Variants in DLC1 observed in about 807,000 individuals in gnomAD.
DLC1 encodes rho GTPase-activating protein 7.
In DLC1, 54 loss-of-function variants were observed where a neutral mutation model predicts 140.3. The ratio of observed to expected loss-of-function variants is 0.38; its 90% confidence interval spans 0.31 to 0.48. DLC1 has a LOEUF of 0.48. Ranked by LOEUF, DLC1 falls within the 20% of genes least tolerant of loss-of-function variation. The pLI is 0.96. For missense variants in DLC1, 2,536 were observed against 1,907.0 expected, an observed-to-expected ratio of 1.33 and a Z score of -6.14; for synonymous variants, 986 against 728.1, an observed-to-expected ratio of 1.35 and a Z score of -5.70.
At chr8:13,524,465 C>G (rs542152077) in intron 1 of DLC1, among the ~76,000 whole-genome samples, 4 of 151,972 alleles carry the variant, frequency 2.6e-5, no homozygotes, top group African/African-American at 9.7e-5. Context: ...TGTTGCTTTT[C>G]GCTATGTATT....
chr8:13,159,582 A>C (rs562161075), intron 5 of DLC1, among the ~76,000 whole-genome samples: 32 of 152,176 alleles, frequency 2.1e-4, no homozygotes, highest in Non-Finnish European at 4.3e-4. Flanking sequence ...CCTCAATTAT[A>C]AACCCAGACT....
At chr8:13,382,702 C>G (rs908540814) in intron 4 of DLC1, among the ~76,000 whole-genome samples, 2 of 152,100 alleles carry the variant, frequency 1.3e-5, no homozygotes, top group East Asian at 3.9e-4. Context: ...AATATGGTCT[C>G]AAAATAAAAT....
At chr8:13,546,944 T>G (rs1451388158) in intron 1 of DLC1, among the ~76,000 whole-genome samples, 1 of 152,158 alleles carries the variant, frequency 6.6e-6, no homozygotes, top group Non-Finnish European at 1.5e-5. Context: ...AAGTTCTTTC[T>G]TCTTGAATTA....
intron 5 of DLC1, among the ~76,000 whole-genome samples, chr8:13,278,970 C>T (rs560958989): frequency 1.3e-5 from 2 of 152,290 alleles, no homozygotes; most frequent in Non-Finnish European, 1.5e-5. Flanking sequence ...AGGATTCATA[C>T]TCGGAGCCGT....
intron 5 of DLC1, among the ~76,000 whole-genome samples, chr8:13,295,010 GA>G: frequency 6.6e-6 from 1 of 152,254 alleles, no homozygotes. Context: ...AACTTCAACC[GA>G]AACATCTGTT....
At chr8:13,292,099 T>G (rs188810953) in intron 5 of DLC1, among the ~76,000 whole-genome samples, 79 of 152,304 alleles carry the variant, frequency 5.2e-4, no homozygotes, top group African/African-American at 1.7e-3. Flanking sequence ...TCTGCAGTTT[T>G]TTTGTTTTGT....
chr8:13,397,503 A>G (rs895100590), intron 3 of DLC1, among the ~76,000 whole-genome samples: 1 of 152,072 alleles, frequency 6.6e-6, no homozygotes, highest in South Asian at 2.1e-4. Flanking sequence ...AGAAGGAGTG[A>G]GGAAAAATGA....
intron 2 of DLC1, among the ~76,000 whole-genome samples, chr8:13,422,402 C>T (rs1563333669): frequency 6.9e-6 from 1 of 145,660 alleles, no homozygotes; most frequent in Non-Finnish European, 1.5e-5. Context: ...TCAGAGATTG[C>T]TTTTTTTTTT....
At chr8:13,192,459 T>G (rs991703775) in intron 5 of DLC1, among the ~76,000 whole-genome samples, 1 of 152,190 alleles carries the variant, frequency 6.6e-6, no homozygotes, top group Admixed American at 6.5e-5. Context: ...GTGGTATCTC[T>G]TTTGGCAATT....
At chr8:13,133,080 C>G in intron 5 of DLC1, 1 of 1,534,902 alleles carries the variant, frequency 6.5e-7, no homozygotes, top group Non-Finnish European at 8.8e-7. Flanking sequence ...CCGAGACGCG[C>G]GCCCTCGCGG....
chr8:13,269,972 G>T (rs1830862566), intron 5 of DLC1, among the ~76,000 whole-genome samples: 1 of 151,048 alleles, frequency 6.6e-6, no homozygotes, highest in Non-Finnish European at 1.5e-5. Context: ...GAGGAGAATG[G>T]TGTGAACCCG....
intron 1 of DLC1, among the ~76,000 whole-genome samples, chr8:13,604,110 C>T (rs1373307877): frequency 6.6e-6 from 1 of 151,944 alleles, no homozygotes; most frequent in Non-Finnish European, 1.5e-5. Flanking sequence ...TGAAATTATT[C>T]AATAAAATAG....
At chr8:13,214,554 C>T (rs1236701531) in intron 5 of DLC1, 2 of 695,660 alleles carry the variant, frequency 2.9e-6, no homozygotes, top group Non-Finnish European at 5.1e-6. Context: ...GCCCCAACCC[C>T]ACCTTTTTTT....
At chr8:13,216,735 C>G (rs894766222) in intron 5 of DLC1, among the ~76,000 whole-genome samples, 5 of 151,958 alleles carry the variant, frequency 3.3e-5, no homozygotes, top group African/African-American at 1.2e-4. Flanking sequence ...GGGGGTCTGT[C>G]CTGTGCATTA....
intron 5 of DLC1, among the ~76,000 whole-genome samples, chr8:13,230,689 C>G (rs1209405125): frequency 6.6e-6 from 1 of 151,086 alleles, no homozygotes; most frequent in African/African-American, 2.4e-5. Flanking sequence ...CTCTACCTCC[C>G]AGGTTCAAGC....
intron 5 of DLC1, among the ~76,000 whole-genome samples, chr8:13,137,417 G>C (rs961889494): frequency 3.3e-5 from 5 of 152,180 alleles, no homozygotes; most frequent in Non-Finnish European, 5.9e-5. Flanking sequence ...CAACAGCTTA[G>C]GGTCCTCTGA....
At chr8:13,286,208 A>C (rs1399187755) in intron 5 of DLC1, among the ~76,000 whole-genome samples, 1 of 152,196 alleles carries the variant, frequency 6.6e-6, no homozygotes, top group African/African-American at 2.4e-5. Flanking sequence ...TAACCAAAGC[A>C]AACCATCAGA....
intron 1 of DLC1, among the ~76,000 whole-genome samples, chr8:13,540,051 C>T (rs1382398078): frequency 2.0e-5 from 3 of 152,144 alleles, no homozygotes; most frequent in Non-Finnish European, 4.4e-5. Context: ...ATAAATAGAG[C>T]TTTACAAACC....
intron 5 of DLC1, among the ~76,000 whole-genome samples, chr8:13,233,293 TAAAAAAAAAAAAAAAAA>T (rs71207134): frequency 5.7e-5 from 4 of 70,404 alleles, no homozygotes; most frequent in African/African-American, 1.2e-4. Context: ...AGACTCTGTA[TAAAAAAAAAAAAAAAAA>T]AAAAAAAAAA....
Sources: allele counts gnomAD v4.1 joint callset (sites outside exome capture counted in the v4.1 genomes callset), GRCh38; gene constraint gnomAD v4.1.1; transcripts MANE v1.5; gene names NCBI Gene and HGNC (gene_info 2026-07-23, HGNC 2026-07-21).